The following ANGPTL5 variants were observed in gnomAD, a reference collection of about 807,000 sequenced individuals.
The protein encoded by ANGPTL5 is angiopoietin like 5.
In ANGPTL5, 34 loss-of-function variants were observed where a neutral mutation model predicts 39.4. That is an observed-to-expected ratio of 0.86 (90% CI 0.66 to 1.15). The LOEUF (loss-of-function observed/expected upper bound fraction) is 1.15, where lower values mean the gene tolerates loss of function less well. Among genes scored for constraint, ANGPTL5 ranks in the 50% most tolerant of loss-of-function variants. The pLI, the probability that ANGPTL5 is intolerant of heterozygous loss-of-function variation, is 0.00. For missense variants in ANGPTL5, 467 were observed against 457.5 expected, an observed-to-expected ratio of 1.02 and a Z score of -0.19; for synonymous variants, 146 against 152.1, an observed-to-expected ratio of 0.96 and a Z score of 0.29.
chr11:101,893,466 T>C (rs1210742801), intron 8 of ANGPTL5, among the ~76,000 whole-genome samples: 1 of 152,234 alleles, frequency 6.6e-6, no homozygotes, highest in Non-Finnish European at 1.5e-5. Flanking sequence ...CTTTTTCTTT[T>C]ATTCTTTTGA....
intron 6 of ANGPTL5, among the ~76,000 whole-genome samples, chr11:101,901,298 A>G (rs181998772): frequency 6.6e-6 from 1 of 150,920 alleles, no homozygotes; most frequent in Non-Finnish European, 1.5e-5. Context: ...TAAATTTTGA[A>G]TTAAAACACT....
intron 7 of ANGPTL5, among the ~76,000 whole-genome samples, chr11:101,896,374 T>C (rs781249749): frequency 6.6e-6 from 1 of 151,778 alleles, no homozygotes; most frequent in African/African-American, 2.4e-5. Context: ...TATTTTTTAT[T>C]ATACTTAAGT....
rs746652716 is a variant in ANGPTL5, at chr11:101,891,263, A to T, written c.*16T>A. 1 of 1,581,904 alleles carries T rather than the reference A, an allele frequency of 6.3e-7. No individual in the cohort carries two copies. The highest frequency in any genetic ancestry group is 8.7e-7 in the Non-Finnish European group (1 of 1,152,062). ...ATATTATCATTGTAGAACTTGCATT[A>T]CAATGTTAAATGAGATTATTTAAAA... On this transcript the variant is annotated 3_prime_UTR_variant, in exon 9 of 9. Transcript: ENST00000334289.
rs1939970556 is a variant in ANGPTL5 at position 101,904,878 on chromosome 11, A to G, written c.375T>C (p.Leu125=). Residue 125 remains leucine (L), a synonymous_variant, in exon 5 of 9, where the codon CTT becomes CTC. Coordinates refer to ENST00000334289, the MANE Select transcript of ANGPTL5 (RefSeq NM_178127.5). ...QVNELMNRVL[L]LTTEVFRKQL... ...GTTTTCTAAAAACTTCTGTAGTCAA[A>G]AGGAGAACTCTATTCATGAGCTCGT... 4.3e-6 allele frequency: 7 copies of G among 1,613,588 alleles called. No individual in the cohort carries two copies. Among genetic ancestry groups the G allele is most frequent in the Middle Eastern group, 1.7e-4 (1 of 6,060 alleles).
intron 8 of ANGPTL5, among the ~76,000 whole-genome samples, chr11:101,894,210 C>T (rs976016982): frequency 6.6e-6 from 1 of 152,146 alleles, no homozygotes; most frequent in Admixed American, 6.5e-5. Flanking sequence ...GAACATATAT[C>T]ATTTATTTTT....
chr11:101,907,948 A>C lies in ANGPTL5; in HGVS notation c.-39T>G, dbSNP rs745570692. ...AGATGAAAACACTTCTTCAAATATC[A>C]GTCAGCTCTTTGTGGAAAGAACTAC... is the stretch of plus-strand genomic sequence containing the variant. On this transcript the variant is annotated 5_prime_UTR_variant, in exon 2 of 9. Coordinates refer to ENST00000334289, the MANE Select transcript of ANGPTL5 (RefSeq NM_178127.5). 7.2e-7 allele frequency: 1 copy of C among 1,390,374 alleles called. No individual in the cohort carries two copies. Among genetic ancestry groups the C allele is most frequent in the Non-Finnish European group, 1.0e-6 (1 of 980,406 alleles). 86.1% of individuals were successfully genotyped at this position (1,390,374 alleles called of 1,614,324 possible). A position where few individuals can be genotyped will look rare whatever the true frequency, so the allele number is the denominator to read the frequency against.
At chr11:101,903,411 A>G (rs544151640) in intron 5 of ANGPTL5, among the ~76,000 whole-genome samples, 58 of 152,286 alleles carry the variant, frequency 3.8e-4, no homozygotes, top group Non-Finnish European at 6.6e-4. Context: ...AGCATCTTTT[A>G]TAAGTGAAAT....
chr11:101,892,036 C>T (rs2137048188), intron 8 of ANGPTL5, among the ~76,000 whole-genome samples: 2 of 152,234 alleles, frequency 1.3e-5, no homozygotes, highest in Middle Eastern at 6.8e-3. Context: ...TTTAGATTTA[C>T]AGTTACAGAA....
At chr11:101,900,217 T>A (rs1397502749) in intron 7 of ANGPTL5, among the ~76,000 whole-genome samples, 1 of 152,178 alleles carries the variant, frequency 6.6e-6, no homozygotes, top group African/African-American at 2.4e-5. Flanking sequence ...TCAAATCACA[T>A]TTCACCAGAT....
chr11:101,912,627 C>A (rs978344897), intron 1 of ANGPTL5, among the ~76,000 whole-genome samples: 1 of 152,160 alleles, frequency 6.6e-6, no homozygotes, highest in African/African-American at 2.4e-5. Context: ...AATTTCTTTT[C>A]TTCTTGGTTG....
chr11:101,906,998 T>A (rs1940007384), intron 3 of ANGPTL5, 105 bp downstream of exon 3: 2 of 841,658 alleles, frequency 2.4e-6, no homozygotes, highest in Non-Finnish European at 3.6e-6. Context: ...ATGATCAGGA[T>A]GTATAGAAAA....
In ANGPTL5 at chr11:101,907,799, T is replaced by C. The variant is rs570273151; in HGVS notation, c.96+15A>G. 4 of 1,526,384 alleles carry C rather than the reference T, an allele frequency of 2.6e-6. No homozygotes were observed. The South Asian group carries it at 4.5e-5, about 17-fold the overall frequency. The allele number at this position is 1,526,384 out of a possible 1,614,324, so 94.6% of individuals were successfully genotyped here. ...CATGCTTTCCTAGCTAATATAATAT[T>C]GCTAAAATTCTTACCGTAGAATGAT... On this transcript the variant is annotated intron_variant, in intron 2 of 8. Transcript: ENST00000334289.
At chr11:101,915,062 T>C (rs955523711) in intron 1 of ANGPTL5, 14 of 533,494 alleles carry the variant, frequency 2.6e-5, no homozygotes, top group Non-Finnish European at 4.1e-5. Flanking sequence ...CCGCCCCATC[T>C]GCTATTGCCC....
At chr11:101,910,424 A>ATATATATATATAT (rs1555048792) in intron 1 of ANGPTL5, among the ~76,000 whole-genome samples, 16 of 127,202 alleles carry the variant, frequency 1.3e-4, no homozygotes, top group Non-Finnish European at 2.3e-4. Flanking sequence ...AAAAAAAAAA[A>ATATATATATATAT]ATATATATAT....
intron 7 of ANGPTL5, among the ~76,000 whole-genome samples, chr11:101,898,617 C>T (rs1221734221): frequency 6.6e-6 from 1 of 152,168 alleles, no homozygotes; most frequent in African/African-American, 2.4e-5. Context: ...TCCTCTTTTC[C>T]TAATTGAATA....
chr11:101,901,733 T>C (rs1336408143), intron 6 of ANGPTL5, among the ~76,000 whole-genome samples: 1 of 152,162 alleles, frequency 6.6e-6, no homozygotes, highest in Non-Finnish European at 1.5e-5. Flanking sequence ...TTTAAAATTA[T>C]TTCCCACCTA....
chr11:101,894,936 G>A lies in ANGPTL5; in HGVS notation c.790C>T (p.Leu264=). 1 of 1,613,268 alleles carries A rather than the reference G, an allele frequency of 6.2e-7. No individual in the cohort carries two copies. The change falls in exon 8 of 9, where the codon CTA becomes TTA. Residue 264 remains leucine, a synonymous_variant. Coordinates refer to ENST00000334289, the MANE Select transcript of ANGPTL5 (RefSeq NM_178127.5). Reference sequence around the variant, plus strand: ...TTAAAAAATCTCGTTTCATCCTCTAGCCAAAAATTATCATATGATGCATAA... The same window carrying A: ...TTAAAAAATCTCGTTTCATCCTCTAACCAAAAATTATCATATGATGCATAA... The part of the protein sequence containing the change: ...LAYASYDNFW[L]EDETRFFKMH...
chr11:101,915,235 C>T lies in ANGPTL5; in HGVS notation c.-93+784G>A, dbSNP rs776580879. ...CAGGAGGAGGAGGAAGCCGGAGCTG[C>T]CATGAGGGAGGTTCTGGGGGCGAGC... On this transcript the variant is annotated intron_variant, in intron 1 of 8. Coordinates refer to ENST00000334289, the MANE Select transcript of ANGPTL5 (RefSeq NM_178127.5). The T allele has an allele frequency of 3.2e-5, 52 of 1,607,304 alleles. No homozygotes were observed. In the South Asian group the frequency reaches 3.4e-4, roughly 11 times the overall value.
At chr11:101,907,293 T>C in intron 2 of ANGPTL5, 46 bp from the exon 3 acceptor site, 1 of 1,185,476 alleles carries the variant, frequency 8.4e-7, no homozygotes, top group Non-Finnish European at 1.2e-6. Context: ...ATTAAACATG[T>C]TATATGACCT....
Sources: allele counts gnomAD v4.1 joint callset (sites outside exome capture counted in the v4.1 genomes callset), GRCh38; gene constraint gnomAD v4.1.1; transcripts MANE v1.5; gene names NCBI Gene and HGNC (gene_info 2026-07-23, HGNC 2026-07-21).